Variants in KCNMA1 observed in about 807,000 individuals in gnomAD.
KCNMA1 encodes Calcium-activated potassium channel subunit alpha-1.
A neutral mutation model predicts 140.0 loss-of-function variants in KCNMA1; 29 were observed. The ratio of observed to expected loss-of-function variants is 0.21; its 90% CI spans 0.15 to 0.28. The LOEUF (loss-of-function observed/expected upper bound fraction) is 0.28, where lower values mean the gene tolerates loss of function less well. Among genes scored for constraint, KCNMA1 ranks in the 10% least tolerant of loss-of-function variants. The pLI, the probability that KCNMA1 is intolerant of heterozygous loss-of-function variation, is 1.00. For synonymous variants in KCNMA1, 612 were observed against 611.9 expected (o/e 1.00, Z 0.00); for missense variants, 880 against 1,602.2 (o/e 0.55, Z 7.70).
chr10:77,047,945 G>A (rs2095168416), intron 14 of KCNMA1, among the ~76,000 whole-genome samples: 1 of 151,908 alleles, frequency 6.6e-6, no homozygotes, highest in African/African-American at 2.4e-5. Context: ...AGGGACCAGG[G>A]TTTAGCTTTT....
chr10:77,162,980 TTC>T (rs2098583862), intron 5 of KCNMA1, among the ~76,000 whole-genome samples: 1 of 152,208 alleles, frequency 6.6e-6, no homozygotes, highest in Non-Finnish European at 1.5e-5. Context: ...TGACTAATAT[TTC>T]TGTTTGTATG....
chr10:77,152,123 T>C (rs2098424545), intron 5 of KCNMA1, among the ~76,000 whole-genome samples: 1 of 149,426 alleles, frequency 6.7e-6, no homozygotes, highest in Non-Finnish European at 1.5e-5. Flanking sequence ...AGACTGTCTT[T>C]TTCATCTTGT....
chr10:77,146,829 T>A (rs2098310573), intron 5 of KCNMA1, among the ~76,000 whole-genome samples: 1 of 150,786 alleles, frequency 6.6e-6, no homozygotes. Flanking sequence ...TCACACAGAA[T>A]ATGCTACATA....
intron 1 of KCNMA1, among the ~76,000 whole-genome samples, chr10:77,445,614 A>G (rs1438775056): frequency 1.3e-5 from 2 of 152,100 alleles, no homozygotes; most frequent in African/African-American, 4.8e-5. Context: ...GCATTGGGAG[A>G]AAGGGAGGAA....
intron 19 of KCNMA1, chr10:76,979,924 C>A (rs1182122270): frequency 2.0e-5 from 3 of 152,156 alleles, no homozygotes; most frequent in Non-Finnish European, 4.4e-5. Flanking sequence ...GAGGTAAGGA[C>A]CAGTGTGGAT....
At chr10:77,447,728 C>T (rs948340768) in intron 1 of KCNMA1, among the ~76,000 whole-genome samples, 4 of 152,130 alleles carry the variant, frequency 2.6e-5, no homozygotes, top group African/African-American at 9.7e-5. Context: ...CTCATTGGTA[C>T]CTCTGTGTCC....
At chr10:76,971,903 T>C (rs942972001) in intron 19 of KCNMA1, among the ~76,000 whole-genome samples, 5 of 152,188 alleles carry the variant, frequency 3.3e-5, no homozygotes, top group Non-Finnish European at 5.9e-5. Flanking sequence ...CCTGAATTCA[T>C]CTTCCTTTCA....
At chr10:77,283,286 A>G (rs2154298305) in intron 2 of KCNMA1, among the ~76,000 whole-genome samples, 1 of 152,252 alleles carries the variant, frequency 6.6e-6, no homozygotes, top group East Asian at 1.9e-4. Context: ...TCCTCTACCA[A>G]TCTCAGAACT....
chr10:77,403,520 C>T lies in KCNMA1; in HGVS notation c.540+342G>A, dbSNP rs16934690. On this transcript the variant is annotated intron_variant, in intron 2 of 27. Transcript: ENST00000286628. ...AGGATCCCCGCATTTGTAGCCCTTC[C>T]ATGAGTTTCTGGTATATTTCCTTAA... Among the ~76,000 whole-genome samples, 1,195 of 152,264 alleles carry T rather than the reference C, an allele frequency of 7.8e-3. 19 individuals carry two copies. Among genetic ancestry groups the T allele is most frequent in the African/African-American group, 0.028 (1,151 of 41,540 alleles).
At chr10:77,080,644 C>T (rs1296665144) in intron 12 of KCNMA1, among the ~76,000 whole-genome samples, 1 of 152,146 alleles carries the variant, frequency 6.6e-6, no homozygotes, top group African/African-American at 2.4e-5. Flanking sequence ...GGGATGTATG[C>T]ATGTGCGTAC....
chr10:77,263,609 G>C (rs1409087910), intron 2 of KCNMA1, among the ~76,000 whole-genome samples: 1 of 152,110 alleles, frequency 6.6e-6, no homozygotes, highest in Non-Finnish European at 1.5e-5. Flanking sequence ...TGGCACCAAG[G>C]TCTTACTTTG....
At chr10:77,465,427 G>T (rs1246981727) in intron 1 of KCNMA1, among the ~76,000 whole-genome samples, 1 of 152,180 alleles carries the variant, frequency 6.6e-6, no homozygotes, top group Non-Finnish European at 1.5e-5. Flanking sequence ...GGTCTTAAAA[G>T]GAATTCTGGT....
intron 18 of KCNMA1, among the ~76,000 whole-genome samples, chr10:77,010,414 T>C (rs1424931318): frequency 6.6e-6 from 1 of 151,898 alleles, no homozygotes; most frequent in Non-Finnish European, 1.5e-5. Flanking sequence ...TTCTAGGCCT[T>C]GTTCTCTCTT....
At chr10:77,583,332 G>A (rs2076374897) in intron 1 of KCNMA1, among the ~76,000 whole-genome samples, 1 of 152,172 alleles carries the variant, frequency 6.6e-6, no homozygotes, top group Non-Finnish European at 1.5e-5. Context: ...GATGGACGGG[G>A]GCACAAATGG....
chr10:77,134,842 T>TA (rs2154000147), intron 5 of KCNMA1, among the ~76,000 whole-genome samples: 1 of 149,990 alleles, frequency 6.7e-6, no homozygotes, highest in East Asian at 2.0e-4. Flanking sequence ...ACTAAAAATA[T>TA]AAAAAATTAG....
chr10:76,910,363 G>C, intron 24 of KCNMA1: 1 of 438,974 alleles, frequency 2.3e-6, no homozygotes, highest in Non-Finnish European at 4.3e-6. Flanking sequence ...CCAATAGACT[G>C]TGCTGGCCAG....
chr10:76,986,033 TG>T (rs1311780346), intron 19 of KCNMA1, among the ~76,000 whole-genome samples: 1 of 152,036 alleles, frequency 6.6e-6, no homozygotes, highest in African/African-American at 2.4e-5. Flanking sequence ...AAATGAAAAA[TG>T]ACAGTTCCTA....
intron 1 of KCNMA1, among the ~76,000 whole-genome samples, chr10:77,412,708 G>A (rs895265622): frequency 2.0e-5 from 3 of 152,178 alleles, no homozygotes; most frequent in East Asian, 1.9e-4. Flanking sequence ...CGGACCCCGC[G>A]GAAATAAAAG....
chr10:77,026,000 T>C (rs11001974), intron 16 of KCNMA1, among the ~76,000 whole-genome samples: 1 of 121,064 alleles, frequency 8.3e-6, no homozygotes, highest in South Asian at 2.7e-4. Flanking sequence ...AAAAAAAAAA[T>C]ATATATATAT....
Sources: gnomAD v4.1 joint callset for allele counts (sites outside exome capture counted in the v4.1 genomes callset) on GRCh38, gnomAD v4.1.1 for gene constraint, MANE v1.5 for transcripts, NCBI Gene and HGNC (gene_info 2026-07-23, HGNC 2026-07-21) for gene names.